AFG1L: variants seen among roughly 807,000 people sequenced by gnomAD.
The protein encoded by AFG1L is AFG1-like ATPase.
AFG1L carries 53 observed loss-of-function variants against 62.2 expected under a neutral mutation model. The ratio of observed to expected loss-of-function variants is 0.85; its 90% confidence interval spans 0.68 to 1.07. The LOEUF (loss-of-function observed/expected upper bound fraction) is 1.07. Among genes scored for constraint, AFG1L ranks in the 50% least tolerant of loss-of-function variants. The pLI, the probability that AFG1L is intolerant of heterozygous loss-of-function variation, is 0.00. For missense variants in AFG1L, 555 were observed against 590.5 expected (o/e 0.94, Z 0.62); for synonymous variants, 228 against 210.3 (o/e 1.08, Z -0.73).
At chr6:108,387,706 T>C (rs1780831218) in intron 6 of AFG1L, 1 of 152,224 alleles carries the variant, frequency 6.6e-6, no homozygotes, top group Non-Finnish European at 1.5e-5. Context: ...GTTTTTTTTC[T>C]TTCTTGTATC....
At chr6:108,429,828 A>G (rs188112238) in intron 7 of AFG1L, among the ~76,000 whole-genome samples, 4 of 152,220 alleles carry the variant, frequency 2.6e-5, no homozygotes, top group Non-Finnish European at 4.4e-5. Context: ...TTGCTGCCCA[A>G]AGCAATTCCT....
At chr6:108,476,355 T>C (rs930695204) in intron 8 of AFG1L, among the ~76,000 whole-genome samples, 2 of 152,228 alleles carry the variant, frequency 1.3e-5, no homozygotes, top group South Asian at 2.1e-4. Flanking sequence ...GACAAAGTTA[T>C]TGATGTGCAG....
chr6:108,508,533 G>A (rs1377429211), intron 10 of AFG1L, among the ~76,000 whole-genome samples: 3 of 152,168 alleles, frequency 2.0e-5, no homozygotes, highest in Non-Finnish European at 2.9e-5. Context: ...ATTTCCAAAG[G>A]ACTCGGGTCA....
At chr6:108,511,548 C>T (rs1644585757) in intron 11 of AFG1L, among the ~76,000 whole-genome samples, 1 of 152,188 alleles carries the variant, frequency 6.6e-6, no homozygotes. Context: ...AGAATGTTGT[C>T]TGGCCTATGG....
chr6:108,450,169 G>A (rs376855200), intron 8 of AFG1L, among the ~76,000 whole-genome samples: 10 of 152,288 alleles, frequency 6.6e-5, no homozygotes, highest in African/African-American at 1.4e-4. Flanking sequence ...TCCCTGAGGA[G>A]TCGCCACACT....
intron 6 of AFG1L, among the ~76,000 whole-genome samples, chr6:108,392,387 A>G (rs1781096795): frequency 2.6e-5 from 4 of 152,232 alleles, no homozygotes. Flanking sequence ...TATATGGAAC[A>G]TAAATGAATT....
At chr6:108,425,279 G>A (rs1311257315) in intron 7 of AFG1L, among the ~76,000 whole-genome samples, 1 of 152,174 alleles carries the variant, frequency 6.6e-6, no homozygotes, top group Non-Finnish European at 1.5e-5. Context: ...AAGAATGCTT[G>A]TAAATAAGGA....
rs186984791 is a variant in AFG1L at position 108,397,587 on chromosome 6, A to G, written c.749-4409A>G. ...TATTCTTTCTATTTTTTTTGTACCC[A>G]TTATCCATCCCCACCTTCCCCCATC... On this transcript the variant is annotated intron_variant, in intron 6 of 12. Coordinates refer to ENST00000368977, the MANE Select transcript of AFG1L (RefSeq NM_145315.5). 8.4e-4 allele frequency among the ~76,000 whole-genome samples: 128 copies of G among 151,946 alleles called. 1 individual carries two copies. The highest frequency in any genetic ancestry group is 3.0e-3 in the African/African-American group (123 of 41,436).
rs2114926486 is a variant in AFG1L, at chr6:108,523,713, A to T, written c.*1288A>T. 6.6e-6 allele frequency: 1 copy of T among 152,132 alleles called. No individual in the cohort carries two copies. Among genetic ancestry groups the T allele is most frequent in the South Asian group, 2.1e-4 (1 of 4,814 alleles). The allele number at this position is 152,132 out of a possible 1,614,324, so 9.4% of individuals were successfully genotyped here. A position where few individuals can be genotyped will look rare whatever the true frequency, so the allele number is the denominator to read the frequency against. On this transcript the variant is annotated 3_prime_UTR_variant, in exon 13 of 13. Transcript: ENST00000368977. The stretch of plus-strand genomic sequence containing the variant: ...GTGTGGCACAGCATGGCCCTATTTA[A>T]TTTCTTAGTCAATAATCCATCACAT...
intron 11 of AFG1L, among the ~76,000 whole-genome samples, chr6:108,519,274 A>G (rs147342203): frequency 2.0e-3 from 308 of 152,344 alleles, no homozygotes; most frequent in African/African-American, 7.0e-3. Flanking sequence ...TCATGACTCA[A>G]TCATATCCTA....
chr6:108,507,011 G>A (rs550962136), intron 10 of AFG1L, among the ~76,000 whole-genome samples: 1 of 151,952 alleles, frequency 6.6e-6, no homozygotes, highest in Admixed American at 6.6e-5. Flanking sequence ...ATTCTTATTG[G>A]ATCTGATTTT....
chr6:108,378,023 A>T (rs1780324238), intron 6 of AFG1L, among the ~76,000 whole-genome samples: 1 of 151,246 alleles, frequency 6.6e-6, no homozygotes, highest in African/African-American at 2.4e-5. Context: ...ACTTATTTTT[A>T]AAAATTCTTC....
At chr6:108,500,171 C>CGTGTGTGTGTGTGTGTGTGTGTGT (rs61654685) in intron 10 of AFG1L, among the ~76,000 whole-genome samples, 1 of 135,070 alleles carries the variant, frequency 7.4e-6, no homozygotes, top group Non-Finnish European at 1.6e-5. Context: ...ATGGTGCGTG[C>CGTGTGTGTGTGTGTGTGTGTGTGT]GTGTGTGTGT....
intron 6 of AFG1L, among the ~76,000 whole-genome samples, chr6:108,386,181 C>G (rs1056949417): frequency 6.6e-6 from 1 of 152,058 alleles, no homozygotes; most frequent in Admixed American, 6.6e-5. Flanking sequence ...AAATGCCTCT[C>G]CTGGGCATGG....
At chr6:108,432,355 A>G (rs1262327023) in intron 7 of AFG1L, among the ~76,000 whole-genome samples, 1 of 152,014 alleles carries the variant, frequency 6.6e-6, no homozygotes, top group Admixed American at 6.6e-5. Flanking sequence ...CAGCTTTGGA[A>G]CACTTCCTTA....
chr6:108,504,383 G>A (rs118125498), intron 10 of AFG1L, among the ~76,000 whole-genome samples: 4,291 of 152,286 alleles, frequency 0.028, 96 homozygotes, highest in Middle Eastern at 0.088. Flanking sequence ...GGAATAGGGA[G>A]GCCTGAAGAG....
chr6:108,479,254 A>G (rs1773242774), intron 10 of AFG1L, among the ~76,000 whole-genome samples: 1 of 152,164 alleles, frequency 6.6e-6, no homozygotes, highest in Non-Finnish European at 1.5e-5. Context: ...AGCCTTCCAA[A>G]GTGCTGGGAT....
At chr6:108,504,962 G>A (rs1184229422) in intron 10 of AFG1L, among the ~76,000 whole-genome samples, 1 of 152,144 alleles carries the variant, frequency 6.6e-6, no homozygotes, top group Non-Finnish European at 1.5e-5. Flanking sequence ...ATTTCATCCT[G>A]AAGTCCTGAA....
intron 5 of AFG1L, among the ~76,000 whole-genome samples, chr6:108,365,421 C>T (rs1779713963): frequency 6.6e-6 from 1 of 150,468 alleles, no homozygotes; most frequent in African/African-American, 2.5e-5. Flanking sequence ...CTGTATTATG[C>T]ATTTCTTGTA....
Sources: allele counts gnomAD v4.1 joint callset (sites outside exome capture counted in the v4.1 genomes callset), GRCh38; gene constraint gnomAD v4.1.1; transcripts MANE v1.5; gene names NCBI Gene and HGNC (gene_info 2026-07-23, HGNC 2026-07-21).